The following TMEM161B variants were observed in gnomAD, a reference collection of about 807,000 sequenced individuals.
TMEM161B encodes transmembrane protein 161B.
A neutral mutation model predicts 61.8 loss-of-function variants in TMEM161B; 34 were observed. The ratio of observed to expected loss-of-function variants is 0.55; its 90% confidence interval spans 0.42 to 0.73. TMEM161B has a LOEUF of 0.73. TMEM161B is among the 30% of genes least tolerant of loss of function. The pLI, the probability that TMEM161B is intolerant of heterozygous loss-of-function variation, is 0.00. For synonymous variants in TMEM161B, 167 were observed against 192.8 expected, an observed-to-expected ratio of 0.87 and a Z score of 1.11; for missense variants, 456 against 558.5, an observed-to-expected ratio of 0.82 and a Z score of 1.85.
intron 1 of TMEM161B, among the ~76,000 whole-genome samples, chr5:88,259,050 T>G (rs1039030174): frequency 3.3e-5 from 5 of 152,194 alleles, no homozygotes; most frequent in Non-Finnish European, 7.4e-5. Context: ...AAGTTCCTTC[T>G]TCATAAGCCA....
intron 1 of TMEM161B, among the ~76,000 whole-genome samples, chr5:88,255,090 G>C (rs1439719733): frequency 6.6e-6 from 1 of 152,158 alleles, no homozygotes; most frequent in Non-Finnish European, 1.5e-5. Context: ...ATGTGACTAA[G>C]AGGTCTAGAA....
intron 1 of TMEM161B, among the ~76,000 whole-genome samples, chr5:88,268,365 G>A (rs1440249695): frequency 6.6e-6 from 1 of 152,128 alleles, no homozygotes; most frequent in East Asian, 1.9e-4. Flanking sequence ...CCACTGTTCC[G>A]CGGATGGAGA....
chr5:88,207,230 T>C, intron 5 of TMEM161B, 50 bp from the exon 6 acceptor site: 1 of 1,534,786 alleles, frequency 6.5e-7, no homozygotes, highest in Non-Finnish European at 8.8e-7. Context: ...ATAGGAGCTA[T>C]ACACAATGAT....
intron 1 of TMEM161B, among the ~76,000 whole-genome samples, chr5:88,256,812 C>G (rs1755046432): frequency 6.6e-6 from 1 of 152,196 alleles, no homozygotes; most frequent in African/African-American, 2.4e-5. Context: ...TTCTTCATTG[C>G]ATTCAGGTTC....
intron 8 of TMEM161B, 63 bp downstream of exon 8, chr5:88,205,751 T>A: frequency 6.4e-7 from 1 of 1,557,428 alleles, no homozygotes; most frequent in African/African-American, 1.4e-5. Context: ...TACAATATTA[T>A]ACCTTCATTA....
intron 3 of TMEM161B, among the ~76,000 whole-genome samples, chr5:88,227,520 T>G (rs1203629773): frequency 3.9e-5 from 6 of 152,224 alleles, no homozygotes; most frequent in Admixed American, 3.9e-4. Context: ...GGTTTACTAT[T>G]AATAGTCCAA....
intron 1 of TMEM161B, among the ~76,000 whole-genome samples, chr5:88,243,748 C>T (rs1195995147): frequency 1.3e-5 from 2 of 151,944 alleles, no homozygotes; most frequent in South Asian, 2.1e-4. Flanking sequence ...CATAACCTCA[C>T]CAGCATCTGC....
chr5:88,223,653 C>T (rs781755015), intron 4 of TMEM161B, among the ~76,000 whole-genome samples: 1 of 151,986 alleles, frequency 6.6e-6, no homozygotes, highest in African/African-American at 2.4e-5. Context: ...TTTGGGAGGC[C>T]GAGGCGGGCA....
chr5:88,213,978 A>C (rs2112476772), intron 5 of TMEM161B, among the ~76,000 whole-genome samples: 1 of 152,294 alleles, frequency 6.6e-6, no homozygotes, highest in East Asian at 1.9e-4. Context: ...TTTGTAAATA[A>C]AAGAATATAG....
intron 1 of TMEM161B, among the ~76,000 whole-genome samples, chr5:88,267,815 A>C (rs914936287): frequency 2.6e-5 from 4 of 151,374 alleles, no homozygotes; most frequent in African/African-American, 9.7e-5. Context: ...TTCGTAAATG[A>C]CTTGCTGAAG....
chr5:88,248,405 A>T (rs1753898925), intron 1 of TMEM161B, among the ~76,000 whole-genome samples: 1 of 152,058 alleles, frequency 6.6e-6, no homozygotes, highest in South Asian at 2.1e-4. Flanking sequence ...TATATCGCCT[A>T]CCTAGCTATT....
chr5:88,186,587 T>C (rs1190195904), downstream of TMEM161B, among the ~76,000 whole-genome samples: 1 of 152,134 alleles, frequency 6.6e-6, no homozygotes, highest in Non-Finnish European at 1.5e-5. Context: ...TTTCCTTTTT[T>C]TGATGAGCAT....
intron 5 of TMEM161B, among the ~76,000 whole-genome samples, chr5:88,214,096 C>A (rs1239847299): frequency 6.6e-6 from 1 of 152,100 alleles, no homozygotes; most frequent in Non-Finnish European, 1.5e-5. Flanking sequence ...TTTTAATAAA[C>A]AAATCTACAT....
At chr5:88,185,665 G>C (rs1335080872), downstream of TMEM161B, among the ~76,000 whole-genome samples, 1 of 152,128 alleles carries the variant, frequency 6.6e-6, no homozygotes, top group African/African-American at 2.4e-5. Flanking sequence ...TAGTTCTAAA[G>C]GTTTTTTAAA....
intron 1 of TMEM161B, among the ~76,000 whole-genome samples, chr5:88,250,189 GAGAA>G (rs1449891046): frequency 1.3e-5 from 2 of 151,738 alleles, no homozygotes; most frequent in East Asian, 1.9e-4. Context: ...GAGAAAGAGA[GAGAA>G]AGAGAGAGAG....
intron 1 of TMEM161B, among the ~76,000 whole-genome samples, chr5:88,249,999 G>A (rs572986951): frequency 3.3e-5 from 5 of 152,118 alleles, no homozygotes; most frequent in South Asian, 2.1e-4. Context: ...GGCTTGCAGG[G>A]GTCCTATATC....
Position 88,268,708 on chromosome 5 carries a change from C to T in TMEM161B, c.3+13G>A. The T allele has an allele frequency of 6.2e-7, 1 of 1,614,150 alleles. No individual in the cohort carries two copies. Among genetic ancestry groups the T allele is most frequent in the African/African-American group, 1.3e-5 (1 of 75,058 alleles). On this transcript the variant is annotated intron_variant, in intron 1 of 11. Coordinates refer to ENST00000296595, the MANE Select transcript of TMEM161B (RefSeq NM_153354.5). ...CCCACCGTTGTCACTCCTGCCCTCA[C>T]AGAAGAACTCACCATGGCGCCTAGG...
intron 1 of TMEM161B, among the ~76,000 whole-genome samples, chr5:88,243,991 C>T (rs1259791807): frequency 6.6e-6 from 1 of 151,790 alleles, no homozygotes; most frequent in Non-Finnish European, 1.5e-5. Context: ...CTGGTTTTTG[C>T]TTGTAAATTT....
intron 8 of TMEM161B, 32 bp downstream of exon 8, chr5:88,205,782 T>G (rs1285508974): frequency 2.5e-6 from 4 of 1,605,200 alleles, no homozygotes; most frequent in Non-Finnish European, 3.4e-6. Context: ...CATATATTTA[T>G]CTGCATGTGC....
Sources: allele counts gnomAD v4.1 joint callset (sites outside exome capture counted in the v4.1 genomes callset), GRCh38; gene constraint gnomAD v4.1.1; transcripts MANE v1.5; gene names NCBI Gene and HGNC (gene_info 2026-07-23, HGNC 2026-07-21).